Variants in KCNQ5 observed in about 807,000 individuals in gnomAD.
KCNQ5 encodes the protein potassium voltage-gated channel subfamily KQT member 5.
Under a neutral mutation model 98.2 loss-of-function variants are expected in KCNQ5, and 30 were observed. That is an observed-to-expected ratio of 0.31 (90% confidence interval 0.23 to 0.41). The LOEUF is 0.41. Among genes scored for constraint, KCNQ5 ranks in the 10% least tolerant of loss-of-function variants. The probability of loss-of-function intolerance (pLI) is 1.00; values close to 1 mark genes in which losing one functional copy is unlikely to be tolerated. For synonymous variants in KCNQ5, 458 were observed against 449.4 expected, an observed-to-expected ratio of 1.02 and a Z score of -0.24; for missense variants, 835 against 1,182.5, an observed-to-expected ratio of 0.71 and a Z score of 4.31.
At chr6:72,755,950 C>A (rs777357190) in intron 1 of KCNQ5, among the ~76,000 whole-genome samples, 1 of 152,164 alleles carries the variant, frequency 6.6e-6, no homozygotes. Flanking sequence ...GCCTCTGCCA[C>A]AGCAGGGACC....
intron 1 of KCNQ5, among the ~76,000 whole-genome samples, chr6:72,731,447 A>C (rs1055263316): frequency 6.6e-6 from 1 of 152,188 alleles, no homozygotes; most frequent in Non-Finnish European, 1.5e-5. Flanking sequence ...CTCTCATGTA[A>C]ATGAGTTATG....
intron 1 of KCNQ5, among the ~76,000 whole-genome samples, chr6:72,784,512 G>T (rs1188399367): frequency 6.6e-6 from 1 of 152,074 alleles, no homozygotes; most frequent in African/African-American, 2.4e-5. Flanking sequence ...ACTAACATTG[G>T]CTTAATGAGG....
rs775252192 is a variant in KCNQ5 at position 72,622,390 on chromosome 6, G to T, written c.201G>T (p.Thr67=). 4 of 1,477,088 alleles carry T rather than the reference G, an allele frequency of 2.7e-6. No homozygotes were observed. In the Admixed American group the frequency reaches 9.9e-5, roughly 36 times the overall value. 91.5% of individuals were successfully genotyped at this position (1,477,088 alleles called of 1,614,324 possible). ...GLLLLGTRAA[T]LGGGGGGLRE... ...TACTGCTGGGCACCCGCGCGGCCAC[G>T]CTCGGTGGCGGCGGCGGTGGCCTGA... Residue 67 remains threonine, a synonymous_variant, in exon 1 of 14, where the codon ACG becomes ACT. Coordinates refer to ENST00000370398, the MANE Select transcript of KCNQ5 (RefSeq NM_019842.4). The surrounding 1 kb of genome is among the most constrained non-coding windows in gnomAD (Gnocchi z 6.0).
chr6:73,187,846 C>A (rs74701293), intron 11 of KCNQ5, among the ~76,000 whole-genome samples: 4,671 of 152,228 alleles, frequency 0.031, 91 homozygotes, highest in East Asian at 0.068. Context: ...TCAAAATGTA[C>A]TTTCTGTTAA....
chr6:73,131,613 C>T (rs1290091671), intron 9 of KCNQ5, among the ~76,000 whole-genome samples: 5 of 149,686 alleles, frequency 3.3e-5, no homozygotes, highest in African/African-American at 9.9e-5. Flanking sequence ...AAAAAAAAAG[C>T]TTGAGAAAAG....
intron 1 of KCNQ5, among the ~76,000 whole-genome samples, chr6:72,753,446 T>A (rs1422406414): frequency 6.6e-6 from 1 of 152,052 alleles, no homozygotes; most frequent in Non-Finnish European, 1.5e-5. Flanking sequence ...TTTACTTGGA[T>A]AAATATATAG....
chr6:72,695,953 G>C (rs1009118044), intron 1 of KCNQ5, among the ~76,000 whole-genome samples: 1 of 152,096 alleles, frequency 6.6e-6, no homozygotes, highest in African/African-American at 2.4e-5. Context: ...CAAAAGTAAT[G>C]TTTTGAGAGA....
chr6:72,911,730 T>A (rs190370761), intron 1 of KCNQ5, among the ~76,000 whole-genome samples: 131 of 152,240 alleles, frequency 8.6e-4, no homozygotes, highest in African/African-American at 3.1e-3. Context: ...TGCATTAGGA[T>A]TAAGTGTTTA....
intron 1 of KCNQ5, among the ~76,000 whole-genome samples, chr6:72,887,617 T>G (rs547455145): frequency 2.0e-5 from 3 of 152,178 alleles, no homozygotes; most frequent in Admixed American, 2.0e-4. Flanking sequence ...CAACAGCATA[T>G]CAGTTGTTGA....
intron 1 of KCNQ5, among the ~76,000 whole-genome samples, chr6:72,976,950 A>C (rs1044617619): frequency 2.0e-5 from 3 of 152,190 alleles, no homozygotes; most frequent in African/African-American, 4.8e-5. Context: ...TGAGCACCTT[A>C]AATTTTGCTG....
At chr6:72,692,017 A>G (rs1208266902) in intron 1 of KCNQ5, among the ~76,000 whole-genome samples, 1 of 152,248 alleles carries the variant, frequency 6.6e-6, no homozygotes, top group African/African-American at 2.4e-5. Context: ...GAGTCTTCAT[A>G]TAGAATGTGT....
intron 1 of KCNQ5, among the ~76,000 whole-genome samples, chr6:72,806,628 T>C (rs76537486): frequency 0.028 from 4,200 of 152,206 alleles, 88 homozygotes; most frequent in Non-Finnish European, 0.043. Flanking sequence ...TGCTGAGAAA[T>C]AAAATATTAT....
At chr6:73,154,597 T>C (rs908979023) in intron 10 of KCNQ5, among the ~76,000 whole-genome samples, 3 of 152,162 alleles carry the variant, frequency 2.0e-5, no homozygotes, top group Non-Finnish European at 2.9e-5. Flanking sequence ...TCTTCTATTA[T>C]TTACTAATTA....
chr6:72,675,625 A>C (rs549047245), intron 1 of KCNQ5, among the ~76,000 whole-genome samples: 49 of 152,298 alleles, frequency 3.2e-4, no homozygotes, highest in African/African-American at 1.1e-3. Context: ...CCAGTGAGAT[A>C]ATAACTGAAC....
intron 1 of KCNQ5, among the ~76,000 whole-genome samples, chr6:72,990,606 G>A (rs1769047930): frequency 1.6e-5 from 2 of 129,026 alleles, no homozygotes; most frequent in South Asian, 5.7e-4. Flanking sequence ...TCTGCAAACA[G>A]GGACAATTTG....
intron 3 of KCNQ5, among the ~76,000 whole-genome samples, chr6:73,057,222 A>G (rs1417137038): frequency 6.6e-6 from 1 of 151,800 alleles, no homozygotes; most frequent in Non-Finnish European, 1.5e-5. Flanking sequence ...GCAAACTATC[A>G]CAAGGACAGA....
At chr6:72,822,178 A>G (rs1262297396) in intron 1 of KCNQ5, among the ~76,000 whole-genome samples, 3 of 152,082 alleles carry the variant, frequency 2.0e-5, no homozygotes, top group Non-Finnish European at 2.9e-5. Context: ...GAGACTATCA[A>G]ATCCCTGAAA....
intron 3 of KCNQ5, among the ~76,000 whole-genome samples, chr6:73,063,686 T>TAGATGATAGATA (rs55995543): frequency 0.024 from 2,204 of 92,904 alleles, 88 homozygotes; most frequent in Middle Eastern, 0.04. Context: ...GATAGATAGA[T>TAGATGATAGATA]GATAGATAGA....
At chr6:72,698,989 T>C (rs1366364550) in intron 1 of KCNQ5, among the ~76,000 whole-genome samples, 1 of 152,178 alleles carries the variant, frequency 6.6e-6, no homozygotes, top group Non-Finnish European at 1.5e-5. Flanking sequence ...TTTATTATAC[T>C]TTAAAAGGCA....
Sources: allele counts gnomAD v4.1 joint callset (sites outside exome capture counted in the v4.1 genomes callset), GRCh38; gene constraint gnomAD v4.1.1; non-coding constraint Gnocchi (gnomAD v3.1); transcripts MANE v1.5; gene names NCBI Gene and HGNC (gene_info 2026-07-23, HGNC 2026-07-21).